Variants in KCNQ1OT1 observed in about 807,000 individuals in gnomAD.
KCNQ1OT1 encodes KCNQ1 opposite strand/antisense transcript 1.
exon 1 of KCNQ1OT1, chr11:2,662,173 C>G (rs910620558): frequency 6.4e-7 from 1 of 1,562,522 alleles, no homozygotes; most frequent in Non-Finnish European, 8.8e-7. Context: ...GCTCTCTGGC[C>G]AGAGTGCTAT....
rs1013133466 is a variant in KCNQ1OT1 at position 2,646,375 on chromosome 11, A to G, written n.53620T>C. 5 of 398,508 alleles carry G rather than the reference A, an allele frequency of 1.3e-5. No individual in the cohort carries two copies. The East Asian group carries it at 1.4e-4, about 11-fold the overall frequency. The allele number at this position is 398,508 out of a possible 1,614,324, so 24.7% of individuals were successfully genotyped here. On this transcript the variant is annotated non_coding_transcript_exon_variant, in exon 1 of 1. Transcript: ENST00000597346. ...AAAAAATTTTGTAGCCTCTTCAATT[A>G]CTGTTATCAGTATTTTATAGTTTTC... is the stretch of plus-strand genomic sequence containing the variant.
In KCNQ1OT1 at chr11:2,677,653, T is replaced by G. The variant is rs1564855142; in HGVS notation, n.22342A>C. 5 of 398,500 alleles carry G rather than the reference T, an allele frequency of 1.3e-5. No homozygotes were observed. The allele number at this position is 398,500 out of a possible 1,614,324, so 24.7% of individuals were successfully genotyped here. The stretch of plus-strand genomic sequence containing the variant: ...TAATTGTAACTCTAACAACTGTTAT[T>G]GCATATGAGATAAAATAATATTTTA... On this transcript the variant is annotated non_coding_transcript_exon_variant, in exon 1 of 1. Coordinates refer to ENST00000597346, the Ensembl canonical transcript of KCNQ1OT1. The surrounding 1 kb of genome is among the most constrained non-coding windows in gnomAD (Gnocchi z 4.5).
At position 2,634,135 on chromosome 11, in the gene KCNQ1OT1, A is replaced by T. The variant is rs192186920; in HGVS notation, n.65860T>A. ...TATTTCGGTGAAGATTGTCTTTGGT[A>T]TTTTTTTTTTTTTAGATTTCTCTTT... On this transcript the variant is annotated non_coding_transcript_exon_variant, in exon 1 of 1. Transcript: ENST00000597346. 673 of 382,496 alleles carry T rather than the reference A, an allele frequency of 1.8e-3. 1 individual carries two copies. The highest frequency in any genetic ancestry group is 3.0e-3 in the South Asian group (22 of 7,228). The allele number at this position is 382,496 out of a possible 1,614,324, so 23.7% of individuals were successfully genotyped here.
At chr11:2,649,756 A>G in exon 1 of KCNQ1OT1, 1 of 398,554 alleles carries the variant, frequency 2.5e-6, no homozygotes, top group South Asian at 1.3e-4. Context: ...CAGTTTGATG[A>G]AAATGTGCCT....
exon 1 of KCNQ1OT1, chr11:2,660,371 G>T (rs1849930192): frequency 2.5e-6 from 1 of 398,388 alleles, no homozygotes; most frequent in African/African-American, 2.1e-5. Context: ...GTATTACGCT[G>T]ATGTGGGAAA....
chr11:2,614,204 A>G, exon 1 of KCNQ1OT1: 1 of 398,518 alleles, frequency 2.5e-6, no homozygotes, highest in East Asian at 3.6e-5. Flanking sequence ...GCCACCTCAA[A>G]TCTTAGTCAT....
At chr11:2,629,634 C>G (rs768411304) in exon 1 of KCNQ1OT1, 5 of 398,380 alleles carry the variant, frequency 1.3e-5, no homozygotes, top group East Asian at 3.6e-5. Flanking sequence ...AGAAATCATG[C>G]GTTCATATAT....
exon 1 of KCNQ1OT1, chr11:2,619,165 AT>A (rs1158141158): frequency 1.5e-5 from 6 of 398,410 alleles, no homozygotes; most frequent in African/African-American, 1.2e-4. Flanking sequence ...AATGTCTTTC[AT>A]TTCTTTTTCT....
exon 1 of KCNQ1OT1, chr11:2,656,207 C>T (rs1372208808): frequency 1.3e-5 from 5 of 398,334 alleles, no homozygotes; most frequent in Non-Finnish European, 2.2e-5. Flanking sequence ...AAAATTGAAT[C>T]CTGGATGAAG....
exon 1 of KCNQ1OT1, chr11:2,650,552 C>T (rs1246323471): frequency 5.0e-6 from 2 of 398,526 alleles, no homozygotes; most frequent in African/African-American, 4.1e-5. Context: ...TCATCAGTGG[C>T]TTAGGCTGCT....
exon 1 of KCNQ1OT1, chr11:2,675,449 T>G: frequency 2.5e-6 from 1 of 398,632 alleles, no homozygotes; most frequent in Non-Finnish European, 4.4e-6. Flanking sequence ...AAAGATGATC[T>G]GAAAATGGAA....
At chr11:2,638,646 A>G (rs1475452694) in exon 1 of KCNQ1OT1, 3 of 152,056 alleles carry the variant, frequency 2.0e-5, no homozygotes, top group African/African-American at 7.2e-5. Context: ...TCTGACAATT[A>G]TGTGTCTTGG....
rs1849231680 is a variant in KCNQ1OT1, at chr11:2,624,548, T to C, written n.75447A>G. The C allele has an allele frequency of 2.5e-6, 1 of 398,550 alleles. No homozygotes were observed. The allele number at this position is 398,550 out of a possible 1,614,324, so 24.7% of individuals were successfully genotyped here. ...TATCTTCTGGGATTTCTATTTGTTG[T>C]TGATTTCCAAATCTTTTATTGTGGC... On this transcript the variant is annotated non_coding_transcript_exon_variant, in exon 1 of 1. Transcript: ENST00000597346. The surrounding 1 kb of genome is among the most constrained non-coding windows in gnomAD (Gnocchi z 4.9).
exon 1 of KCNQ1OT1, chr11:2,699,096 A>G (rs979076289): frequency 7.5e-6 from 3 of 398,448 alleles, no homozygotes; most frequent in South Asian, 1.3e-4. Context: ...TTCCATCCCA[A>G]TAGCGCGGAC....
chr11:2,685,413 T>C (rs962613208), exon 1 of KCNQ1OT1: 2 of 398,546 alleles, frequency 5.0e-6, no homozygotes, highest in Non-Finnish European at 8.8e-6. Flanking sequence ...ATGGGTCTCC[T>C]TCACATAGAA....
chr11:2,640,151 T>C (rs542817240), exon 1 of KCNQ1OT1: 54 of 362,710 alleles, frequency 1.5e-4, no homozygotes, highest in Admixed American at 3.2e-4. Context: ...CCCCTTGTGC[T>C]TCCCAGGTGA....
In KCNQ1OT1 at chr11:2,645,486, T is replaced by C. The variant is rs1849652143; in HGVS notation, n.54509A>G. The C allele has an allele frequency of 5.0e-6, 2 of 398,682 alleles. No homozygotes were observed. Among genetic ancestry groups the C allele is most frequent in the Admixed American group, 4.4e-5 (1 of 22,738 alleles). 24.7% of individuals were successfully genotyped at this position (398,682 alleles called of 1,614,324 possible). ...GATCCCTGTATACCCTGCTGAATGC[T>C]CATGTTGGGGCAGCAGCAACTCTAT... On this transcript the variant is annotated non_coding_transcript_exon_variant, in exon 1 of 1. Coordinates refer to ENST00000597346, the Ensembl canonical transcript of KCNQ1OT1. This position sits in a 1 kb window ranked among gnomAD's most constrained non-coding sequence, Gnocchi z 5.8.
At position 2,677,383 on chromosome 11, in the gene KCNQ1OT1, A is replaced by C; in HGVS notation, n.22612T>G. On this transcript the variant is annotated non_coding_transcript_exon_variant, in exon 1 of 1. Transcript: ENST00000597346. This position sits in a 1 kb window ranked among gnomAD's most constrained non-coding sequence, Gnocchi z 4.5. Reference sequence around the variant, plus strand: ...CCAGTTAGTTAATCAGTTGAAGAGGAAACCAAGATCGATGCCTAGATAAGC... The same window carrying C: ...CCAGTTAGTTAATCAGTTGAAGAGGCAACCAAGATCGATGCCTAGATAAGC... 2.5e-6 allele frequency: 1 copy of C among 398,642 alleles called. No homozygotes were observed. The highest frequency in any genetic ancestry group is 3.6e-5 in the East Asian group (1 of 28,068). The allele number at this position is 398,642 out of a possible 1,614,324, so 24.7% of individuals were successfully genotyped here.
chr11:2,636,364 T>G (rs1349418173), exon 1 of KCNQ1OT1: 3 of 151,856 alleles, frequency 2.0e-5, no homozygotes, highest in African/African-American at 7.2e-5. Context: ...ATCCCATCAA[T>G]ACCTAATTTA....
Sources: allele counts gnomAD v4.1 joint callset, GRCh38; gene constraint gnomAD v4.1.1; non-coding constraint Gnocchi (gnomAD v3.1); transcripts MANE v1.5; gene names NCBI Gene and HGNC (gene_info 2026-07-23, HGNC 2026-07-21).